The following SPIDR variants were observed in gnomAD, a reference collection of about 807,000 sequenced individuals.
SPIDR encodes DNA repair-scaffolding protein.
In SPIDR, 93 loss-of-function variants were observed where a neutral mutation model predicts 104.6. The ratio of observed to expected loss-of-function variants is 0.89; its 90% CI spans 0.75 to 1.06. SPIDR has a LOEUF of 1.06. SPIDR is among the 50% of genes least tolerant of loss of function. The pLI is 0.00. For synonymous variants in SPIDR, 431 were observed against 416.9 expected, an observed-to-expected ratio of 1.03 and a Z score of -0.41; for missense variants, 1,154 against 1,111.2, an observed-to-expected ratio of 1.04 and a Z score of -0.55.
intron 5 of SPIDR, among the ~76,000 whole-genome samples, chr8:47,382,088 G>T (rs2059390720): frequency 6.6e-6 from 1 of 152,114 alleles, no homozygotes. Flanking sequence ...GTTTCATCTG[G>T]CTAATTTGTT....
intron 8 of SPIDR, among the ~76,000 whole-genome samples, chr8:47,477,880 G>A (rs1402110299): frequency 3.3e-5 from 5 of 152,152 alleles, no homozygotes; most frequent in Non-Finnish European, 7.3e-5. Flanking sequence ...GCATGGGGAG[G>A]CAGAGCCCTA....
intron 8 of SPIDR, among the ~76,000 whole-genome samples, chr8:47,538,053 T>C (rs1338378983): frequency 6.6e-6 from 1 of 151,986 alleles, no homozygotes; most frequent in Non-Finnish European, 1.5e-5. Flanking sequence ...CTCGCGCATA[T>C]AATCTCAGCT....
At chr8:47,611,876 C>G (rs1036778972) in intron 10 of SPIDR, among the ~76,000 whole-genome samples, 1 of 152,064 alleles carries the variant, frequency 6.6e-6, no homozygotes, top group African/African-American at 2.4e-5. Context: ...GAGGAAGGAA[C>G]TCATCATTTG....
At chr8:47,376,010 A>C (rs2058627540) in intron 5 of SPIDR, among the ~76,000 whole-genome samples, 1 of 152,178 alleles carries the variant, frequency 6.6e-6, no homozygotes, top group African/African-American at 2.4e-5. Flanking sequence ...ACATGACCTT[A>C]GGATAGAATT....
Position 47,703,221 on chromosome 8 carries a change from C to T in SPIDR, c.1977+1206C>T, listed in dbSNP as rs540412840. ...GCCTGGTTTTGGAGCCTTTCTCTTCCGCTTAAGTTATCCAGAGTTATTTTC... is the reference window on the plus strand; with the variant it reads ...GCCTGGTTTTGGAGCCTTTCTCTTCTGCTTAAGTTATCCAGAGTTATTTTC... On this transcript the variant is annotated intron_variant, in intron 14 of 19. Coordinates refer to ENST00000297423, the MANE Select transcript of SPIDR (RefSeq NM_001080394.4). Among the ~76,000 whole-genome samples the T allele has an allele frequency of 7.0e-4, 107 of 152,272 alleles. 1 individual carries two copies. The highest frequency in any genetic ancestry group is 2.4e-3 in the African/African-American group (99 of 41,546).
intron 8 of SPIDR, among the ~76,000 whole-genome samples, chr8:47,484,844 G>C (rs2077328966): frequency 6.6e-6 from 1 of 152,184 alleles, no homozygotes; most frequent in Non-Finnish European, 1.5e-5. Context: ...TGTGTTCTTA[G>C]AAACAGATCC....
intron 5 of SPIDR, among the ~76,000 whole-genome samples, chr8:47,312,721 T>C (rs1320759062): frequency 6.6e-6 from 1 of 152,184 alleles, no homozygotes; most frequent in Non-Finnish European, 1.5e-5. Flanking sequence ...AGCTCTTTAG[T>C]TTAATTAGAT....
intron 8 of SPIDR, among the ~76,000 whole-genome samples, chr8:47,507,257 G>C (rs1410649168): frequency 6.6e-6 from 1 of 152,160 alleles, no homozygotes; most frequent in East Asian, 1.9e-4. Flanking sequence ...CTTTCAGTTG[G>C]GTCAGATAGT....
intron 4 of SPIDR, among the ~76,000 whole-genome samples, chr8:47,292,927 C>T (rs2040182311): frequency 2.0e-5 from 3 of 151,974 alleles, no homozygotes; most frequent in African/African-American, 4.8e-5. Context: ...TGTGTGATAC[C>T]GGCAGCGGCT....
intron 8 of SPIDR, among the ~76,000 whole-genome samples, chr8:47,514,588 G>A (rs928280108): frequency 6.6e-6 from 1 of 152,144 alleles, no homozygotes; most frequent in African/African-American, 2.4e-5. Flanking sequence ...TAAAGTCTGT[G>A]GAAGTGGTTT....
chr8:47,467,712 TAAG>T (rs1564057180), intron 8 of SPIDR, among the ~76,000 whole-genome samples: 1 of 152,052 alleles, frequency 6.6e-6, no homozygotes, highest in Non-Finnish European at 1.5e-5. Flanking sequence ...TACCTCAAAA[TAAG>T]AAGAGCCATG....
At chr8:47,673,990 T>C in intron 11 of SPIDR, 49 bp downstream of exon 11, 1 of 1,587,534 alleles carries the variant, frequency 6.3e-7, no homozygotes, top group Non-Finnish European at 8.6e-7. Context: ...TGTTGGTTCT[T>C]TTTCTTAGTC....
chr8:47,511,065 C>T, intron 8 of SPIDR: 2 of 970,514 alleles, frequency 2.1e-6, no homozygotes, highest in African/African-American at 1.6e-5. Flanking sequence ...CAGCATTGAG[C>T]AGGTTGGCTT....
At chr8:47,600,103 A>G (rs148997182) in intron 10 of SPIDR, among the ~76,000 whole-genome samples, 156 of 152,364 alleles carry the variant, frequency 1.0e-3, no homozygotes, top group South Asian at 7.0e-3. Context: ...AATTGCCCTC[A>G]AAGAAGTAAC....
chr8:47,680,918 G>A (rs915466545), intron 11 of SPIDR, among the ~76,000 whole-genome samples: 5 of 152,316 alleles, frequency 3.3e-5, no homozygotes, highest in East Asian at 1.9e-4. Flanking sequence ...CCAGGCAGGC[G>A]TGCCACATAG....
chr8:47,660,614 C>T (rs2073950586), intron 10 of SPIDR: 4 of 648,674 alleles, frequency 6.2e-6, no homozygotes, highest in Non-Finnish European at 7.7e-6. Context: ...GGGGCAGGGA[C>T]CCGCTGTAGA....
intron 5 of SPIDR, among the ~76,000 whole-genome samples, chr8:47,391,578 A>C (rs1416756632): frequency 6.6e-6 from 1 of 152,062 alleles, no homozygotes; most frequent in East Asian, 1.9e-4. Context: ...TAATTAATTA[A>C]AAAATGACTA....
chr8:47,332,998 A>G (rs962035600), intron 5 of SPIDR, among the ~76,000 whole-genome samples: 1 of 150,200 alleles, frequency 6.7e-6, no homozygotes, highest in Non-Finnish European at 1.5e-5. Flanking sequence ...GAAGCTCTTT[A>G]GTTTAATTAG....
intron 5 of SPIDR, among the ~76,000 whole-genome samples, chr8:47,342,705 T>C (rs2051027698): frequency 1.3e-5 from 2 of 152,166 alleles, no homozygotes; most frequent in Non-Finnish European, 2.9e-5. Flanking sequence ...TTTCTTATTA[T>C]TTCCTTTCTT....
Sources: allele counts gnomAD v4.1 joint callset (sites outside exome capture counted in the v4.1 genomes callset), GRCh38; gene constraint gnomAD v4.1.1; transcripts MANE v1.5; gene names NCBI Gene and HGNC (gene_info 2026-07-23, HGNC 2026-07-21).